SENP7: variants seen among roughly 807,000 people sequenced by gnomAD.
SENP7 encodes the protein SUMO specific peptidase 7.
In SENP7, 64 loss-of-function variants were observed where a neutral mutation model predicts 141.2. The ratio of observed to expected loss-of-function variants is 0.45; its 90% confidence interval spans 0.37 to 0.56. The LOEUF (loss-of-function observed/expected upper bound fraction) is 0.56, where lower values mean the gene tolerates loss of function less well. SENP7 is among the 20% of genes least tolerant of loss of function. SENP7 has a pLI of 0.00. For synonymous variants in SENP7, 382 were observed against 426.4 expected, an observed-to-expected ratio of 0.90 and a Z score of 1.28; for missense variants, 1,025 against 1,212.2, an observed-to-expected ratio of 0.85 and a Z score of 2.29.
chr3:101,511,922 C>A (rs977214316), intron 1 of SENP7, among the ~76,000 whole-genome samples: 1 of 152,162 alleles, frequency 6.6e-6, no homozygotes, highest in Non-Finnish European at 1.5e-5. Context: ...CGGGTTCACG[C>A]CATTCTCCTG....
chr3:101,442,651 C>G (rs2062724423), intron 4 of SENP7, among the ~76,000 whole-genome samples: 1 of 151,778 alleles, frequency 6.6e-6, no homozygotes, highest in Non-Finnish European at 1.5e-5. Flanking sequence ...AAAAAAAAAT[C>G]AGAAAAGAAA....
At chr3:101,347,781 C>A in intron 13 of SENP7, 91 bp downstream of exon 13, 7 of 544,712 alleles carry the variant, frequency 1.3e-5, no homozygotes, top group South Asian at 5.6e-5. Flanking sequence ...TTTCAATTCA[C>A]TGAAATAACA....
At chr3:101,403,484 A>AC (rs2061211180) in intron 5 of SENP7, among the ~76,000 whole-genome samples, 3 of 152,208 alleles carry the variant, frequency 2.0e-5, no homozygotes, top group African/African-American at 4.8e-5. Context: ...CTAGTGGAAG[A>AC]ACCTGGGCCT....
At chr3:101,397,574 C>T (rs1197506777) in intron 6 of SENP7, among the ~76,000 whole-genome samples, 2 of 152,050 alleles carry the variant, frequency 1.3e-5, no homozygotes, top group East Asian at 1.9e-4. Flanking sequence ...TTAAAATTGT[C>T]GTTACTGATT....
At chr3:101,355,194 T>G (rs1174758682) in intron 11 of SENP7, among the ~76,000 whole-genome samples, 1 of 152,246 alleles carries the variant, frequency 6.6e-6, no homozygotes, top group East Asian at 1.9e-4. Flanking sequence ...TAGTTTCTTT[T>G]GCTGTGCAGA....
intron 3 of SENP7, among the ~76,000 whole-genome samples, chr3:101,480,520 T>A (rs902406096): frequency 2.6e-5 from 4 of 152,046 alleles, no homozygotes; most frequent in African/African-American, 9.7e-5. Flanking sequence ...AAAAATCAAC[T>A]TAAGATGGAT....
rs192962213 is a variant in SENP7, at chr3:101,510,079, G to A, written c.40+3012C>T. Among the ~76,000 whole-genome samples, 10 of 152,262 alleles carry A rather than the reference G, an allele frequency of 6.6e-5. No homozygotes were observed. The East Asian group carries it at 1.9e-3, about 29-fold the overall frequency. ...AAATTTACTTGACGTTTCCTATTTT[G>A]ATTCAAAAATTCACTTGAAAATTGC... On this transcript the variant is annotated intron_variant, in intron 1 of 23. Transcript: ENST00000394095.
At chr3:101,511,816 T>G (rs2065870995) in intron 1 of SENP7, among the ~76,000 whole-genome samples, 1 of 152,116 alleles carries the variant, frequency 6.6e-6, no homozygotes, top group African/African-American at 2.4e-5. Context: ...TTTTTGTTTT[T>G]TTTTTGTTGT....
intron 6 of SENP7, among the ~76,000 whole-genome samples, chr3:101,383,146 G>T (rs1001243319): frequency 6.6e-6 from 1 of 152,198 alleles, no homozygotes; most frequent in Non-Finnish European, 1.5e-5. Context: ...CATGGGAGCA[G>T]ATCCTTCAGG....
Position 101,398,896 on chromosome 3 carries a change from AT to A in SENP7, c.641del (p.Asn214IlefsTer2). On this transcript the variant is annotated frameshift_variant, in exon 6 of 24. Transcript: ENST00000394095. LOFTEE classifies it high-confidence loss of function. The part of the protein sequence containing the change: ...SSDGSLESYQ[N>X]LNPHKSCYLS... The stretch of plus-strand genomic sequence containing the variant: ...AATAACAGCTCTTGTGAGGGTTTAG[AT>A]TTTGATAAGATTCTAGGCTGCCATC... 1 of 1,610,128 alleles carries A rather than the reference AT, an allele frequency of 6.2e-7. No homozygotes were observed. The highest frequency in any genetic ancestry group is 8.5e-7 in the Non-Finnish European group (1 of 1,177,734).
rs557728159 is a variant in SENP7 at position 101,499,113 on chromosome 3, G to T, written c.90+1957C>A. Among the ~76,000 whole-genome samples the T allele has an allele frequency of 1.1e-4, 16 of 152,228 alleles. 1 individual carries two copies. In the South Asian group the frequency reaches 3.3e-3, roughly 32 times the overall value. Reference sequence around the variant, plus strand: ...TTTACAGGAACTCTGTAAAATTTCTGTAACTTTTCTGTAAGTCTCAACTTC... The same window carrying T: ...TTTACAGGAACTCTGTAAAATTTCTTTAACTTTTCTGTAAGTCTCAACTTC... On this transcript the variant is annotated intron_variant, in intron 2 of 23. Coordinates refer to ENST00000394095, the MANE Select transcript of SENP7 (RefSeq NM_020654.5).
chr3:101,461,286 T>C (rs1298823414), intron 3 of SENP7, among the ~76,000 whole-genome samples: 6 of 152,124 alleles, frequency 3.9e-5, no homozygotes, highest in Admixed American at 3.9e-4. Context: ...ATCAATGTTG[T>C]TAAAATGTCC....
intron 4 of SENP7, among the ~76,000 whole-genome samples, chr3:101,444,426 T>C (rs1227188745): frequency 6.6e-6 from 1 of 152,052 alleles, no homozygotes; most frequent in Non-Finnish European, 1.5e-5. Context: ...CAAGCTGATA[T>C]AAAGACACAT....
chr3:101,351,057 T>C (rs938928557), intron 12 of SENP7, among the ~76,000 whole-genome samples: 1 of 151,990 alleles, frequency 6.6e-6, no homozygotes, highest in African/African-American at 2.4e-5. Context: ...ATTTGTGTGT[T>C]TTTCTTCCTT....
chr3:101,441,731 A>C (rs1011748843), intron 4 of SENP7, among the ~76,000 whole-genome samples: 1 of 152,156 alleles, frequency 6.6e-6, no homozygotes, highest in African/African-American at 2.4e-5. Context: ...AGGAATCCCA[A>C]GAACTGGCAC....
In SENP7 at chr3:101,501,125, A is replaced by G; in HGVS notation, c.41-6T>C. 2 of 1,599,810 alleles carry G rather than the reference A, an allele frequency of 1.3e-6. No individual in the cohort carries two copies. Among genetic ancestry groups the G allele is most frequent in the Non-Finnish European group, 1.7e-6 (2 of 1,170,196 alleles). Reference sequence around the variant, plus strand: ...TTTTCCTTCTGTGATGATTTCTACAAAAACCAAAGACGTGGTAAAAATTAT... The same window carrying G: ...TTTTCCTTCTGTGATGATTTCTACAGAAACCAAAGACGTGGTAAAAATTAT... On this transcript the variant is annotated splice_polypyrimidine_tract_variant and splice_region_variant and intron_variant, in intron 1 of 23. Transcript: ENST00000394095.
At chr3:101,356,161 A>G (rs922980261) in intron 11 of SENP7, among the ~76,000 whole-genome samples, 2 of 152,164 alleles carry the variant, frequency 1.3e-5, no homozygotes, top group African/African-American at 4.8e-5. Context: ...TATAATGTTG[A>G]AAAGTATTAC....
At chr3:101,348,462 A>G (rs1243143882) in intron 12 of SENP7, among the ~76,000 whole-genome samples, 1 of 152,170 alleles carries the variant, frequency 6.6e-6, no homozygotes, top group East Asian at 1.9e-4. Context: ...GCAGAAAACT[A>G]AGCACAGTAT....
At chr3:101,508,319 A>C (rs1337703610) in intron 1 of SENP7, among the ~76,000 whole-genome samples, 1 of 151,898 alleles carries the variant, frequency 6.6e-6, no homozygotes, top group Non-Finnish European at 1.5e-5. Flanking sequence ...TAAGGAGGCC[A>C]GGCGCAGTGG....
Sources: allele counts gnomAD v4.1 joint callset (sites outside exome capture counted in the v4.1 genomes callset), GRCh38; gene constraint gnomAD v4.1.1; transcripts MANE v1.5; gene names NCBI Gene and HGNC (gene_info 2026-07-23, HGNC 2026-07-21).